NLRP8: variants seen among roughly 807,000 people sequenced by gnomAD.
The protein encoded by NLRP8 is NACHT, LRR and PYD domains-containing protein 8.
In NLRP8, 86 loss-of-function variants were observed where a neutral mutation model predicts 88.7. The observed-to-expected ratio is 0.97, with a 90% CI of 0.81 to 1.16. NLRP8 has a LOEUF of 1.16. Ranked by LOEUF, NLRP8 falls within the 50% of genes most tolerant of loss-of-function variation. The probability of loss-of-function intolerance (pLI) is 0.00; values close to 1 mark genes in which losing one functional copy is unlikely to be tolerated. For synonymous variants in NLRP8, 504 were observed against 494.6 expected (o/e 1.02, Z -0.25); for missense variants, 1,342 against 1,286.5 (o/e 1.04, Z -0.66).
intron 4 of NLRP8, among the ~76,000 whole-genome samples, chr19:55,965,318 G>C (rs907347649): frequency 2.0e-5 from 3 of 152,060 alleles, no homozygotes; most frequent in African/African-American, 4.8e-5. Flanking sequence ...AGGCATGGTA[G>C]TGGGTGCCTG....
At chr19:55,984,740 G>A (rs1054669893) in intron 9 of NLRP8, among the ~76,000 whole-genome samples, 3 of 151,584 alleles carry the variant, frequency 2.0e-5, no homozygotes, top group Admixed American at 6.6e-5. Context: ...GGGAGGCCAA[G>A]TGGGGAGGAT....
At chr19:55,968,522 C>T (rs1365971888) in intron 5 of NLRP8, among the ~76,000 whole-genome samples, 1 of 152,004 alleles carries the variant, frequency 6.6e-6, no homozygotes, top group Non-Finnish European at 1.5e-5. Context: ...GGGTGGATCA[C>T]CTGAGGTCAG....
chr19:55,954,866 C>T lies in NLRP8; in HGVS notation c.808C>T (p.Leu270Phe). ...GCAAAAGTGGCCTGGATCTCAGGAC[C>T]TCGTGTCAAAGATTATGTCCAAACC... The change falls in exon 3 of 10, where the codon CTC becomes TTC. Residue 270 changes from leucine (L) to phenylalanine (F), a missense_variant. Coordinates refer to ENST00000291971, the MANE Select transcript of NLRP8 (RefSeq NM_176811.2). 2 of 1,614,182 alleles carry T rather than the reference C, an allele frequency of 1.2e-6. No homozygotes were observed. Among genetic ancestry groups the T allele is most frequent in the South Asian group, 1.1e-5 (1 of 91,080 alleles).
chr19:55,953,175 G>A (rs977088344), intron 2 of NLRP8, among the ~76,000 whole-genome samples: 7 of 152,038 alleles, frequency 4.6e-5, no homozygotes, highest in African/African-American at 1.7e-4. Flanking sequence ...ACCCTCTCGT[G>A]AACTGTGCAT....
intron 3 of NLRP8, among the ~76,000 whole-genome samples, chr19:55,961,719 G>T (rs899487045): frequency 6.6e-6 from 1 of 152,166 alleles, no homozygotes; most frequent in Non-Finnish European, 1.5e-5. Flanking sequence ...GATTGCCTGA[G>T]CCTGGGAGTT....
In NLRP8 at chr19:55,955,109, C is replaced by T; in HGVS notation, c.1051C>T (p.Leu351Phe). The change falls in exon 3 of 10, where the codon CTC becomes TTC. Residue 351 changes from leucine to phenylalanine, a missense_variant. Transcript: ENST00000291971. ...CAAGCCCTTGCTGAAATGTCCCTCT[C>T]TCGTAACCCTTCCGGGGTTTAATAC... The T allele has an allele frequency of 6.2e-7, 1 of 1,614,114 alleles. No homozygotes were observed.
rs896421350 is a variant in NLRP8 at position 55,973,774 on chromosome 19, A to C, written c.2657A>C (p.His886Pro). The C allele has an allele frequency of 1.9e-6, 3 of 1,613,968 alleles. No homozygotes were observed. The highest frequency in any genetic ancestry group is 2.5e-6 in the Non-Finnish European group (3 of 1,179,970). ...GCCTTGAAAGATGAAGGGGCCAAGC[A>C]TATTTGGAATGCCCTGCCACACCTG... Residue 886 changes from histidine to proline, a missense_variant, in exon 7 of 10, where the codon CAT (histidine) becomes CCT (proline). Physicochemically the swap from His to Pro is moderately conservative, Grantham distance 77. Transcript: ENST00000291971.
At chr19:55,952,030 G>A (rs564561019) in intron 1 of NLRP8, among the ~76,000 whole-genome samples, 47 of 152,308 alleles carry the variant, frequency 3.1e-4, no homozygotes, top group Admixed American at 5.9e-4. Context: ...GGGATTACAG[G>A]CGTGAGCCAC....
At chr19:55,964,046 C>T (rs1013675515) in intron 4 of NLRP8, among the ~76,000 whole-genome samples, 2 of 152,164 alleles carry the variant, frequency 1.3e-5, no homozygotes, top group Admixed American at 6.5e-5. Context: ...AATCAGTTCT[C>T]TTAGCCACCA....
chr19:55,983,116 A>G lies in NLRP8; in HGVS notation c.3047+3552A>G, dbSNP rs1399101499. Among the ~76,000 whole-genome samples, 4 of 152,140 alleles carry G rather than the reference A, an allele frequency of 2.6e-5. 1 individual carries two copies. Among genetic ancestry groups the G allele is most frequent in the Non-Finnish European group, 5.9e-5 (4 of 68,030 alleles). ...GTCTTCATTTAAAAGAATTTAAACA[A>G]CAGATACACAGCAAAGGAGATGCAG... On this transcript the variant is annotated intron_variant, in intron 9 of 9. Transcript: ENST00000291971.
rs992868339 is a variant in NLRP8, at chr19:55,953,982, T to C, written c.443-519T>C. Reference sequence around the variant, plus strand: ...CCACGCCTGGCTAATTTTGTATTTTTAGTAGAGACAGGGTTTCACCATGTT... The same window carrying C: ...CCACGCCTGGCTAATTTTGTATTTTCAGTAGAGACAGGGTTTCACCATGTT... On this transcript the variant is annotated intron_variant, in intron 2 of 9. Coordinates refer to ENST00000291971, the MANE Select transcript of NLRP8 (RefSeq NM_176811.2). Among the ~76,000 whole-genome samples the C allele has an allele frequency of 4.6e-5, 7 of 151,400 alleles. 1 individual carries two copies. The highest frequency in any genetic ancestry group is 4.0e-4 in the Admixed American group (6 of 15,136).
In NLRP8 at chr19:55,955,642, A is replaced by G. The variant is rs1261837794; in HGVS notation, c.1584A>G (p.Lys528=). 1 of 1,614,210 alleles carries G rather than the reference A, an allele frequency of 6.2e-7. No homozygotes were observed. Among genetic ancestry groups the G allele is most frequent in the East Asian group, 2.2e-5 (1 of 44,890 alleles). Reference sequence around the variant, plus strand: ...TTCTCTGTTTCCCACAAAGACTCAAAAATTTTCATGTGTTGAGCCACGTGA... The same window carrying G: ...TTCTCTGTTTCCCACAAAGACTCAAGAATTTTCATGTGTTGAGCCACGTGA... Residue 528 remains lysine, a synonymous_variant, in exon 3 of 10, where the codon AAA becomes AAG. Transcript: ENST00000291971.
chr19:55,971,951 GTT>G (rs1180618076), intron 6 of NLRP8, among the ~76,000 whole-genome samples: 1 of 151,848 alleles, frequency 6.6e-6, no homozygotes, highest in Non-Finnish European at 1.5e-5. Flanking sequence ...GTTCATCTTA[GTT>G]TATCTGATTT....
At position 55,973,780 on chromosome 19, in the gene NLRP8, G is replaced by A. The variant is rs1980186674; in HGVS notation, c.2663G>A (p.Trp888Ter). ...AAAGATGAAGGGGCCAAGCATATTT[G>A]GAATGCCCTGCCACACCTGAGATGT... The change falls in exon 7 of 10, where the codon TGG becomes TAG. Residue 888 changes from tryptophan to a stop codon, truncating the protein, a stop_gained. Transcript: ENST00000291971. LOFTEE classifies it high-confidence loss of function. The A allele has an allele frequency of 2.5e-6, 4 of 1,613,984 alleles. No individual in the cohort carries two copies. The highest frequency in any genetic ancestry group is 8.5e-7 in the Non-Finnish European group (1 of 1,179,936).
chr19:55,950,697 CTT>C (rs1979054969), intron 1 of NLRP8, among the ~76,000 whole-genome samples: 1 of 152,188 alleles, frequency 6.6e-6, no homozygotes, highest in Admixed American at 6.5e-5. Flanking sequence ...TGGTGCCACA[CTT>C]TTGTGCTTTG....
chr19:55,986,459 CACACTCTCTCACAT>C (rs1568471944), intron 9 of NLRP8, among the ~76,000 whole-genome samples: 25,689 of 105,698 alleles, frequency 0.24, 2,371 homozygotes, highest in Non-Finnish European at 0.25. Context: ...CTCTCACACA[CACACTCTCTCACAT>C]ACACACACAC....
intron 1 of NLRP8, among the ~76,000 whole-genome samples, chr19:55,949,865 C>T (rs1433599625): frequency 6.6e-6 from 1 of 152,084 alleles, no homozygotes; most frequent in Non-Finnish European, 1.5e-5. Flanking sequence ...CATAGGTGCT[C>T]AAATATTAGA....
intron 9 of NLRP8, among the ~76,000 whole-genome samples, chr19:55,986,905 G>A (rs962573769): frequency 7.2e-5 from 11 of 152,274 alleles, no homozygotes; most frequent in African/African-American, 2.6e-4. Context: ...GAGCTTACTA[G>A]GTGCCCCCAC....
chr19:55,974,531 G>T (rs1980220427), intron 7 of NLRP8, among the ~76,000 whole-genome samples: 1 of 151,958 alleles, frequency 6.6e-6, no homozygotes, highest in Admixed American at 6.6e-5. Flanking sequence ...GGAGGATCAC[G>T]AGGTCAGGAG....
Sources: gnomAD v4.1 joint callset for allele counts (sites outside exome capture counted in the v4.1 genomes callset) on GRCh38, gnomAD v4.1.1 for gene constraint, MANE v1.5 for transcripts, NCBI Gene and HGNC (gene_info 2026-07-23, HGNC 2026-07-21) for gene names.